NPEPPS: variants seen among roughly 807,000 people sequenced by gnomAD.
NPEPPS encodes aminopeptidase puromycin sensitive.
In NPEPPS, 14 loss-of-function variants were observed where a neutral mutation model predicts 115.5. The observed-to-expected ratio is 0.12, with a 90% CI of 0.08 to 0.19. The LOEUF (loss-of-function observed/expected upper bound fraction) is 0.19. Ranked by LOEUF, NPEPPS falls within the 10% of genes least tolerant of loss-of-function variation. NPEPPS has a pLI of 1.00. For synonymous variants in NPEPPS, 285 were observed against 390.6 expected (o/e 0.73, Z 3.19); for missense variants, 523 against 1,110.8 (o/e 0.47, Z 7.52).
intron 2 of NPEPPS, among the ~76,000 whole-genome samples, chr17:47,558,916 C>A (rs1910244477): frequency 1.3e-5 from 2 of 152,058 alleles, no homozygotes; most frequent in East Asian, 1.9e-4. Context: ...TGCCTGTAGT[C>A]CCCCCTACCT....
chr17:47,571,860 A>G (rs930637089), intron 3 of NPEPPS, among the ~76,000 whole-genome samples: 3 of 152,224 alleles, frequency 2.0e-5, no homozygotes, highest in African/African-American at 7.2e-5. Context: ...ATGTATATAT[A>G]AATTTATGTA....
chr17:47,527,809 C>G (rs543554315), upstream of NPEPPS, among the ~76,000 whole-genome samples: 10 of 151,652 alleles, frequency 6.6e-5, no homozygotes, highest in South Asian at 1.9e-3. Flanking sequence ...ATTAGCCGGG[C>G]ATGGTGGCGG....
At chr17:47,559,612 T>C (rs1019723978) in intron 2 of NPEPPS, 4 of 455,010 alleles carry the variant, frequency 8.8e-6, no homozygotes, top group African/African-American at 8.0e-5. Context: ...CTTTTTCCAA[T>C]GTCTGGGCTT....
At chr17:47,606,397 TCTTGACC>T (rs942427078) in intron 17 of NPEPPS, among the ~76,000 whole-genome samples, 13 of 152,130 alleles carry the variant, frequency 8.5e-5, no homozygotes, top group South Asian at 2.1e-4. Context: ...TCCTGACCAG[TCTTGACC>T]CAGAAGTCTT....
chr17:47,535,242 CAA>C (rs1163530675), intron 1 of NPEPPS, among the ~76,000 whole-genome samples: 10 of 57,112 alleles, frequency 1.8e-4, no homozygotes, highest in South Asian at 6.0e-4. Flanking sequence ...GACTCTGTCT[CAA>C]AAAAAAAAAA....
At chr17:47,592,705 C>G in intron 12 of NPEPPS, 160 bp downstream of exon 12, 1 of 597,906 alleles carries the variant, frequency 1.7e-6, no homozygotes, top group Non-Finnish European at 2.8e-6. Context: ...TCTCTAATCT[C>G]AAAATCTGAA....
intron 1 of NPEPPS, among the ~76,000 whole-genome samples, chr17:47,543,224 A>G (rs573431881): frequency 1.3e-5 from 2 of 151,960 alleles, no homozygotes; most frequent in East Asian, 1.9e-4. Flanking sequence ...TGGCGCGCAC[A>G]CACACACACA....
chr17:47,525,185 T>C (rs1316743720), intron 1 of NPEPPS, among the ~76,000 whole-genome samples: 1 of 152,166 alleles, frequency 6.6e-6, no homozygotes, highest in Non-Finnish European at 1.5e-5. Context: ...TTACCTTCCA[T>C]TCCTCTAGCC....
At chr17:47,620,670 A>G in intron 22 of NPEPPS, among the ~76,000 whole-genome samples, 1 of 152,224 alleles carries the variant, frequency 6.6e-6, no homozygotes, top group East Asian at 1.9e-4. Context: ...TCATCTGTGT[A>G]AATAAGGTTA....
At chr17:47,559,225 A>G (rs1048935794) in intron 2 of NPEPPS, among the ~76,000 whole-genome samples, 1 of 152,046 alleles carries the variant, frequency 6.6e-6, no homozygotes, top group Non-Finnish European at 1.5e-5. Context: ...TTTTTTTAGT[A>G]GAGATGGGGT....
intron 2 of NPEPPS, among the ~76,000 whole-genome samples, chr17:47,546,672 T>A (rs1909242808): frequency 6.6e-6 from 1 of 152,232 alleles, no homozygotes; most frequent in Admixed American, 6.5e-5. Flanking sequence ...CCTGAGTGGC[T>A]GAGATTACAG....
Position 47,550,749 on chromosome 17 carries a change from C to T in NPEPPS, c.340+4756C>T, listed in dbSNP as rs189706914. On this transcript the variant is annotated intron_variant, in intron 2 of 22. Coordinates refer to ENST00000322157, the MANE Select transcript of NPEPPS (RefSeq NM_006310.4). The stretch of plus-strand genomic sequence containing the variant: ...TCAAGCAATTCTCCTGCCTCAGCCT[C>T]CCGAGTAGCTGGGATCACAGGTGTG... Among the ~76,000 whole-genome samples, 842 of 151,632 alleles carry T rather than the reference C, an allele frequency of 5.6e-3. 7 individuals are homozygous for T. The highest frequency in any genetic ancestry group is 0.02 in the African/African-American group (812 of 41,376).
chr17:47,579,560 C>T, intron 4 of NPEPPS, 49 bp downstream of exon 4: 1 of 1,535,364 alleles, frequency 6.5e-7, no homozygotes, highest in Non-Finnish European at 8.8e-7. Context: ...ATTAGGCATT[C>T]TGACAAAGCT....
intron 17 of NPEPPS, among the ~76,000 whole-genome samples, chr17:47,608,481 GGGT>G (rs1913650691): frequency 1.3e-5 from 2 of 151,776 alleles, no homozygotes; most frequent in African/African-American, 4.8e-5. Context: ...AAAAGTGAGG[GGGT>G]GGGAATCATA....
intron 2 of NPEPPS, among the ~76,000 whole-genome samples, chr17:47,567,063 A>C (rs994602824): frequency 3.3e-5 from 5 of 152,168 alleles, no homozygotes; most frequent in African/African-American, 1.2e-4. Context: ...CTGGGCAACA[A>C]AGTGAGATCC....
intron 9 of NPEPPS, among the ~76,000 whole-genome samples, chr17:47,589,842 C>A (rs953967144): frequency 6.6e-6 from 1 of 152,142 alleles, no homozygotes; most frequent in Non-Finnish European, 1.5e-5. Context: ...TGGTTTTCCC[C>A]TGTCATTTCC....
intron 3 of NPEPPS, among the ~76,000 whole-genome samples, chr17:47,575,580 AATTATTATTATTATT>A (rs10646632): frequency 3.5e-5 from 5 of 144,092 alleles, no homozygotes; most frequent in African/African-American, 1.0e-4. Flanking sequence ...GACAATATTG[AATTATTATTATTATT>A]ATTATTATTA....
Position 47,622,109 on chromosome 17 carries a change from C to A in NPEPPS, c.*189C>A. ...AATTCTATTGAAAAAGGAAAATCAG[C>A]AATTCAGCAAAAAATAAATAAAAAA... is the stretch of plus-strand genomic sequence containing the variant. On this transcript the variant is annotated 3_prime_UTR_variant, in exon 23 of 23. Transcript: ENST00000322157. 1.6e-6 allele frequency: 2 copies of A among 1,274,282 alleles called. No homozygotes were observed. The highest frequency in any genetic ancestry group is 3.1e-5 in the South Asian group (1 of 32,572). The allele number at this position is 1,274,282 out of a possible 1,614,324, so 78.9% of individuals were successfully genotyped here. A position where few individuals can be genotyped will look rare whatever the true frequency, so the allele number is the denominator to read the frequency against.
Position 47,575,715 on chromosome 17 carries a change from C to T in NPEPPS, c.419-3675C>T, listed in dbSNP as rs567352786. Among the ~76,000 whole-genome samples, 892 of 151,852 alleles carry T rather than the reference C, an allele frequency of 5.9e-3. 5 individuals are homozygous for T. The highest frequency in any genetic ancestry group is 0.017 in the African/African-American group (718 of 41,416). ...TGCCTCCTGGGTTCATGCCATTCTC[C>T]TGTCTCAGCCTCCCGAGTAGCTGGG... On this transcript the variant is annotated intron_variant, in intron 3 of 22. Transcript: ENST00000322157.
Sources: allele counts gnomAD v4.1 joint callset (sites outside exome capture counted in the v4.1 genomes callset), GRCh38; gene constraint gnomAD v4.1.1; transcripts MANE v1.5; gene names NCBI Gene and HGNC (gene_info 2026-07-23, HGNC 2026-07-21).